The following PRNP variants were observed in gnomAD, a reference collection of about 807,000 sequenced individuals.
PRNP encodes the protein major prion protein.
PRNP carries 15 observed loss-of-function variants against 21.3 expected under a neutral mutation model. The ratio of observed to expected loss-of-function variants is 0.71; its 90% CI spans 0.47 to 1.09. The LOEUF is 1.09. PRNP is among the 50% of genes least tolerant of loss of function. The probability of loss-of-function intolerance (pLI) is 0.00; values close to 1 mark genes in which losing one functional copy is unlikely to be tolerated. For synonymous variants in PRNP, 121 were observed against 123.1 expected (o/e 0.98, Z 0.11); for missense variants, 285 against 340.9 (o/e 0.84, Z 1.29).
At chr20:4,693,315 C>A (rs940325206) in intron 1 of PRNP, among the ~76,000 whole-genome samples, 1 of 152,162 alleles carries the variant, frequency 6.6e-6, no homozygotes, top group Admixed American at 6.5e-5. Flanking sequence ...CCTTTCTTGT[C>A]CCACTAAATT....
chr20:4,700,476 C>A lies in PRNP; in HGVS notation c.*494C>A, dbSNP rs1922533938. 3.2e-6 allele frequency: 1 copy of A among 316,738 alleles called. No homozygotes were observed. The highest frequency in any genetic ancestry group is 6.5e-6 in the Non-Finnish European group (1 of 154,542). The allele number at this position is 316,738 out of a possible 1,614,324, so 19.6% of individuals were successfully genotyped here. A position where few individuals can be genotyped will look rare whatever the true frequency, so the allele number is the denominator to read the frequency against. Reference sequence around the variant, plus strand: ...GTTAGGAGGCCACATGATACTTATTCAAAAAAATCCTAGAGATTCTTAGCT... The same window carrying A: ...GTTAGGAGGCCACATGATACTTATTAAAAAAAATCCTAGAGATTCTTAGCT... On this transcript the variant is annotated 3_prime_UTR_variant, in exon 2 of 2. Coordinates refer to ENST00000379440, the MANE Select transcript of PRNP (RefSeq NM_000311.5). The surrounding 1 kb of genome is among the most constrained non-coding windows in gnomAD (Gnocchi z 4.1).
In PRNP at chr20:4,697,300, C is replaced by T. The variant is rs150165217; in HGVS notation, c.-10-1911C>T. The stretch of plus-strand genomic sequence containing the variant: ...TTATTTTGCATGTCTATGGGTCAAG[C>T]GCTCTGTCTAGGAACACTGCTGTGA... On this transcript the variant is annotated intron_variant, in intron 1 of 1. Coordinates refer to ENST00000379440, the MANE Select transcript of PRNP (RefSeq NM_000311.5). The surrounding 1 kb of genome is among the most constrained non-coding windows in gnomAD (Gnocchi z 4.6). 3.0e-3 allele frequency among the ~76,000 whole-genome samples: 462 copies of T among 152,300 alleles called. 18 individuals carry two copies. The South Asian group carries it at 0.052, about 17-fold the overall frequency.
At chr20:4,695,823 G>C (rs2122217779) in intron 1 of PRNP, among the ~76,000 whole-genome samples, 1 of 152,086 alleles carries the variant, frequency 6.6e-6, no homozygotes, top group East Asian at 1.9e-4. Context: ...GTAAGTCTTG[G>C]ATCCATCTAG....
intron 1 of PRNP, among the ~76,000 whole-genome samples, chr20:4,689,698 T>G (rs1568529501): frequency 1.3e-5 from 2 of 152,244 alleles, no homozygotes; most frequent in Non-Finnish European, 1.5e-5. Flanking sequence ...AACATGTCTG[T>G]ATCTAACCCA....
In PRNP at chr20:4,697,920, T is replaced by C. The variant is rs1039612058; in HGVS notation, c.-10-1291T>C. ...CTGAGATTTGCTGATAGATCCAATGTATGCTGGGAGAGAAAATTCAGTCAC... is the reference window on the plus strand; with the variant it reads ...CTGAGATTTGCTGATAGATCCAATGCATGCTGGGAGAGAAAATTCAGTCAC... On this transcript the variant is annotated intron_variant, in intron 1 of 1. Coordinates refer to ENST00000379440, the MANE Select transcript of PRNP (RefSeq NM_000311.5). This position sits in a 1 kb window ranked among gnomAD's most constrained non-coding sequence, Gnocchi z 4.6. 5.9e-5 allele frequency among the ~76,000 whole-genome samples: 9 copies of C among 152,194 alleles called. No individual in the cohort carries two copies. Among genetic ancestry groups the C allele is most frequent in the Non-Finnish European group, 1.3e-4 (9 of 68,030 alleles).
At chr20:4,696,262 GCCATCAAGA>G (rs1477649536) in intron 1 of PRNP, among the ~76,000 whole-genome samples, 2 of 151,964 alleles carry the variant, frequency 1.3e-5, no homozygotes, top group Admixed American at 1.3e-4. Flanking sequence ...CTGAGTTATC[GCCATCAAGA>G]CCATGGAATG....
intron 1 of PRNP, among the ~76,000 whole-genome samples, chr20:4,688,175 G>A (rs1234483296): frequency 6.6e-6 from 1 of 152,178 alleles, no homozygotes; most frequent in Admixed American, 6.5e-5. Context: ...GCAAATTAGA[G>A]CATGTTTGGG....
At chr20:4,691,711 G>A (rs1338520240) in intron 1 of PRNP, among the ~76,000 whole-genome samples, 2 of 152,174 alleles carry the variant, frequency 1.3e-5, no homozygotes, top group African/African-American at 2.4e-5. Flanking sequence ...AGGGATATTG[G>A]CCTATACTGC....
At chr20:4,688,135 C>A (rs1242987902) in intron 1 of PRNP, among the ~76,000 whole-genome samples, 2 of 152,068 alleles carry the variant, frequency 1.3e-5, no homozygotes, top group East Asian at 1.9e-4. Context: ...AGATAAATGG[C>A]AAAATGATGA....
At chr20:4,691,302 A>G (rs767990497) in intron 1 of PRNP, among the ~76,000 whole-genome samples, 4 of 152,210 alleles carry the variant, frequency 2.6e-5, no homozygotes, top group Non-Finnish European at 5.9e-5. Flanking sequence ...AGAAAAAACA[A>G]TCCTAAAATT....
intron 1 of PRNP, among the ~76,000 whole-genome samples, chr20:4,698,448 C>G (rs1007605779): frequency 6.6e-6 from 1 of 152,012 alleles, no homozygotes; most frequent in Non-Finnish European, 1.5e-5. Flanking sequence ...TTTCTGAGTT[C>G]ACAAAAATGT....
chr20:4,698,718 G>A (rs1002553096), intron 1 of PRNP, among the ~76,000 whole-genome samples: 2 of 152,166 alleles, frequency 1.3e-5, no homozygotes, highest in African/African-American at 2.4e-5. Context: ...GTGATGATTT[G>A]GAGCCTATGA....
rs1383101754 is a variant in PRNP, at chr20:4,688,825, G to A, written c.-11+2313G>A. ...GAAAGGAAAAGCACAGAAAATGGAC[G>A]TTTTCATTGAAATTGTCGGTGATCT... On this transcript the variant is annotated intron_variant, in intron 1 of 1. Coordinates refer to ENST00000379440, the MANE Select transcript of PRNP (RefSeq NM_000311.5). 3.3e-5 allele frequency among the ~76,000 whole-genome samples: 5 copies of A among 152,286 alleles called. No individual in the cohort carries two copies. The South Asian group carries it at 6.2e-4, about 19-fold the overall frequency.
At chr20:4,695,730 G>A (rs1048907231) in intron 1 of PRNP, among the ~76,000 whole-genome samples, 3 of 152,260 alleles carry the variant, frequency 2.0e-5, no homozygotes, top group East Asian at 1.9e-4. Context: ...TGTTTAAAAA[G>A]TTCTTCCCCC....
rs537898541 is a variant in PRNP at position 4,697,341 on chromosome 20, C to T, written c.-10-1870C>T. On this transcript the variant is annotated intron_variant, in intron 1 of 1. Transcript: ENST00000379440. The surrounding 1 kb of genome is among the most constrained non-coding windows in gnomAD (Gnocchi z 4.6). ...ACTGCTGTGAACAAAACCAAACTCC[C>T]GCCCTAAAGGAGCCTGCACTCCCGT... Among the ~76,000 whole-genome samples the T allele has an allele frequency of 2.0e-5, 3 of 152,290 alleles. No individual in the cohort carries two copies. Among genetic ancestry groups the T allele is most frequent in the East Asian group, 1.9e-4 (1 of 5,186 alleles).
chr20:4,689,607 G>A (rs1014908508), intron 1 of PRNP, among the ~76,000 whole-genome samples: 1 of 152,094 alleles, frequency 6.6e-6, no homozygotes, highest in African/African-American at 2.4e-5. Flanking sequence ...AACTTACTTC[G>A]TCCATTCTCC....
At position 4,699,535 on chromosome 20, in the gene PRNP, A is replaced by C; in HGVS notation, c.315A>C (p.Pro105=). ...THSQWNKPSK[P]KTNMKHMAGA... ...GTCAGTGGAACAAGCCGAGTAAGCC[A>C]AAAACCAACATGAAGCACATGGCTG... The change falls in exon 2 of 2, where the codon CCA becomes CCC. Residue 105 remains proline, a synonymous_variant. Coordinates refer to ENST00000379440, the MANE Select transcript of PRNP (RefSeq NM_000311.5). The surrounding 1 kb of genome is among the most constrained non-coding windows in gnomAD (Gnocchi z 5.8). 6.2e-7 allele frequency: 1 copy of C among 1,613,966 alleles called. No individual in the cohort carries two copies. Among genetic ancestry groups the C allele is most frequent in the Non-Finnish European group, 8.5e-7 (1 of 1,179,920 alleles).
In PRNP at chr20:4,700,447, G is replaced by A; in HGVS notation, c.*465G>A. The A allele has an allele frequency of 3.0e-6, 1 of 334,478 alleles. No homozygotes were observed. Among genetic ancestry groups the A allele is most frequent in the South Asian group, 2.6e-5 (1 of 37,790 alleles). 20.7% of individuals were successfully genotyped at this position (334,478 alleles called of 1,614,324 possible). On this transcript the variant is annotated 3_prime_UTR_variant, in exon 2 of 2. Coordinates refer to ENST00000379440, the MANE Select transcript of PRNP (RefSeq NM_000311.5). This position sits in a 1 kb window ranked among gnomAD's most constrained non-coding sequence, Gnocchi z 4.1. ...GAAAACCCGACAACATTTCTGCCAG[G>A]TTTGTTAGGAGGCCACATGATACTT...
chr20:4,687,587 A>G (rs1921555794), intron 1 of PRNP, among the ~76,000 whole-genome samples: 1 of 141,118 alleles, frequency 7.1e-6, no homozygotes, highest in East Asian at 1.9e-4. Flanking sequence ...TGTAGGAAAT[A>G]GATTTTTTTT....
Sources: gnomAD v4.1 joint callset for allele counts (sites outside exome capture counted in the v4.1 genomes callset) on GRCh38, gnomAD v4.1.1 for gene constraint, Gnocchi (gnomAD v3.1) non-coding constraint, MANE v1.5 for transcripts, NCBI Gene and HGNC (gene_info 2026-07-23, HGNC 2026-07-21) for gene names.